The following ARHGAP26 variants were observed in gnomAD, a reference collection of about 807,000 sequenced individuals.
ARHGAP26 encodes the protein rho GTPase-activating protein 26.
ARHGAP26 carries 38 observed loss-of-function variants against 104.8 expected under a neutral mutation model. The observed-to-expected ratio is 0.36, with a 90% confidence interval of 0.28 to 0.48. ARHGAP26 has a LOEUF of 0.48. Among genes scored for constraint, ARHGAP26 ranks in the 20% least tolerant of loss-of-function variants. ARHGAP26 has a pLI of 0.99. For synonymous variants in ARHGAP26, 341 were observed against 340.0 expected, an observed-to-expected ratio of 1.00 and a Z score of -0.03; for missense variants, 704 against 947.9, an observed-to-expected ratio of 0.74 and a Z score of 3.38.
chr5:143,011,341 T>C (rs1195662743), intron 11 of ARHGAP26, among the ~76,000 whole-genome samples: 1 of 142,174 alleles, frequency 7.0e-6, no homozygotes, highest in Non-Finnish European at 1.5e-5. Flanking sequence ...TCCAATGTAC[T>C]TATCAATATT....
intron 21 of ARHGAP26, among the ~76,000 whole-genome samples, chr5:143,213,480 G>C (rs577513752): frequency 3.3e-5 from 5 of 152,332 alleles, no homozygotes; most frequent in South Asian, 2.1e-4. Context: ...ACCCAGTCTA[G>C]TAAGAAATCA....
chr5:143,043,119 A>T (rs1299162037), intron 14 of ARHGAP26, among the ~76,000 whole-genome samples: 4 of 152,230 alleles, frequency 2.6e-5, no homozygotes, highest in African/African-American at 9.6e-5. Context: ...AAATATTGGC[A>T]TTAATTTAGT....
intron 1 of ARHGAP26, among the ~76,000 whole-genome samples, chr5:142,857,498 C>G (rs1255482661): frequency 6.6e-6 from 1 of 152,134 alleles, no homozygotes; most frequent in Non-Finnish European, 1.5e-5. Context: ...AGAGGTGGCC[C>G]TGCTCATGCA....
chr5:143,111,910 C>T (rs894651531), intron 17 of ARHGAP26, among the ~76,000 whole-genome samples: 1 of 152,212 alleles, frequency 6.6e-6, no homozygotes, highest in African/African-American at 2.4e-5. Flanking sequence ...GGCTCTAAGA[C>T]AGCAGTAGGT....
At chr5:143,096,095 T>TAA (rs375175852) in intron 17 of ARHGAP26, among the ~76,000 whole-genome samples, 34 of 152,370 alleles carry the variant, frequency 2.2e-4, no homozygotes, top group African/African-American at 7.9e-4. Flanking sequence ...GCAGTTACAT[T>TAA]AAGATCTATT....
chr5:142,865,206 G>A (rs1754048022), intron 1 of ARHGAP26, among the ~76,000 whole-genome samples: 1 of 152,140 alleles, frequency 6.6e-6, no homozygotes, highest in Admixed American at 6.6e-5. Flanking sequence ...GTTTTCATCG[G>A]AGATCCAATG....
rs528687379 is a variant in ARHGAP26, at chr5:142,921,383, G to A, written c.1028+8090G>A. The A allele has an allele frequency of 2.4e-5, 4 of 163,662 alleles. No homozygotes were observed. The East Asian group carries it at 7.7e-4, about 32-fold the overall frequency. 10.1% of individuals were successfully genotyped at this position (163,662 alleles called of 1,614,324 possible). On this transcript the variant is annotated intron_variant, in intron 10 of 22. Coordinates refer to ENST00000645722, the MANE Select transcript of ARHGAP26 (RefSeq NM_001135608.3). ...TGGCTGTTCAATTTTATTTTTTATG[G>A]TGACGTAATTTTGACATGGGTTAAT...
At chr5:142,840,020 T>G (rs1020180530) in intron 1 of ARHGAP26, among the ~76,000 whole-genome samples, 3 of 152,170 alleles carry the variant, frequency 2.0e-5, no homozygotes, top group Non-Finnish European at 4.4e-5. Flanking sequence ...CAAGGGAATA[T>G]AGACCCCACT....
intron 20 of ARHGAP26, among the ~76,000 whole-genome samples, chr5:143,189,619 CA>C (rs1805631716): frequency 6.6e-6 from 1 of 152,016 alleles, no homozygotes; most frequent in Admixed American, 6.5e-5. Flanking sequence ...CATGTACTTC[CA>C]ATAAGTGTTT....
chr5:143,159,569 G>A (rs948452218), intron 20 of ARHGAP26, among the ~76,000 whole-genome samples: 1 of 152,126 alleles, frequency 6.6e-6, no homozygotes, highest in Non-Finnish European at 1.5e-5. Flanking sequence ...CACATGGGGA[G>A]CCTAAAATAA....
intron 1 of ARHGAP26, among the ~76,000 whole-genome samples, chr5:142,842,015 G>T (rs1036862552): frequency 6.6e-6 from 1 of 152,186 alleles, no homozygotes; most frequent in African/African-American, 2.4e-5. Context: ...AAGCATGGTG[G>T]CCTGGTATAT....
chr5:142,821,446 C>G (rs982940073), intron 1 of ARHGAP26, among the ~76,000 whole-genome samples: 2 of 150,066 alleles, frequency 1.3e-5, no homozygotes, highest in Admixed American at 6.7e-5. Flanking sequence ...TTACATTTTT[C>G]TAGGTGGTAG....
chr5:143,039,899 A>G (rs1413470794), intron 13 of ARHGAP26, among the ~76,000 whole-genome samples: 1 of 152,222 alleles, frequency 6.6e-6, no homozygotes, highest in Non-Finnish European at 1.5e-5. Context: ...CTTCTACGAA[A>G]GTCTTCATTG....
intron 18 of ARHGAP26, among the ~76,000 whole-genome samples, chr5:143,123,596 A>C (rs994851415): frequency 2.6e-5 from 4 of 152,242 alleles, no homozygotes; most frequent in African/African-American, 9.6e-5. Flanking sequence ...TCACACCCGT[A>C]ATCCCAGTGT....
At chr5:143,207,139 G>T in intron 20 of ARHGAP26, 59 bp from the exon 21 acceptor site, 1 of 1,581,086 alleles carries the variant, frequency 6.3e-7, no homozygotes, top group Non-Finnish European at 8.6e-7. Context: ...ATGACCTCCT[G>T]TGCTCCCATT....
intron 1 of ARHGAP26, among the ~76,000 whole-genome samples, chr5:142,822,048 T>C (rs1296774899): frequency 6.6e-6 from 1 of 152,246 alleles, no homozygotes; most frequent in Non-Finnish European, 1.5e-5. Context: ...AAAGCTGTTC[T>C]TCTAAGAGTT....
At chr5:143,083,286 G>A (rs542193050) in intron 17 of ARHGAP26, among the ~76,000 whole-genome samples, 7 of 152,198 alleles carry the variant, frequency 4.6e-5, no homozygotes, top group South Asian at 2.1e-4. Flanking sequence ...AGCATACATC[G>A]CAGTAACCGG....
At chr5:143,160,320 A>C (rs528517363) in intron 20 of ARHGAP26, among the ~76,000 whole-genome samples, 2 of 151,974 alleles carry the variant, frequency 1.3e-5, no homozygotes, top group South Asian at 4.1e-4. Context: ...CAGCCTCCCA[A>C]AGTGCTGGGA....
intron 12 of ARHGAP26, among the ~76,000 whole-genome samples, chr5:143,023,123 A>C (rs1780567900): frequency 6.6e-6 from 1 of 152,164 alleles, no homozygotes; most frequent in Non-Finnish European, 1.5e-5. Context: ...CCACTCTCCC[A>C]CAGGGATTTG....
Sources: gnomAD v4.1 joint callset for allele counts (sites outside exome capture counted in the v4.1 genomes callset) on GRCh38, gnomAD v4.1.1 for gene constraint, MANE v1.5 for transcripts, NCBI Gene and HGNC (gene_info 2026-07-23, HGNC 2026-07-21) for gene names.